ENPP3: variants seen among roughly 807,000 people sequenced by gnomAD.
ENPP3 encodes ectonucleotide pyrophosphatase/phosphodiesterase family member 3.
Under a neutral mutation model 117.8 loss-of-function variants are expected in ENPP3, and 104 were observed. The ratio of observed to expected loss-of-function variants is 0.88; its 90% CI spans 0.75 to 1.04. The LOEUF (loss-of-function observed/expected upper bound fraction) is 1.04, where lower values mean the gene tolerates loss of function less well. ENPP3 is among the 50% of genes least tolerant of loss of function. The pLI is 0.00. For missense variants in ENPP3, 1,026 were observed against 1,051.9 expected (o/e 0.98, Z 0.34); for synonymous variants, 380 against 349.9 (o/e 1.09, Z -0.96).
chr6:131,663,370 A>G (rs1198159275), intron 6 of ENPP3, among the ~76,000 whole-genome samples: 2 of 151,924 alleles, frequency 1.3e-5, no homozygotes, highest in Non-Finnish European at 2.9e-5. Context: ...TGGCGGTCCC[A>G]TACATTATAA....
intron 24 of ENPP3, among the ~76,000 whole-genome samples, chr6:131,745,681 TATAAAC>T (rs1390379826): frequency 6.6e-6 from 1 of 152,100 alleles, no homozygotes; most frequent in East Asian, 1.9e-4. Context: ...CATAATAAAA[TATAAAC>T]AGACATAAAA....
At chr6:131,730,635 G>A (rs1054317660) in intron 20 of ENPP3, among the ~76,000 whole-genome samples, 3 of 152,180 alleles carry the variant, frequency 2.0e-5, no homozygotes, top group Admixed American at 6.5e-5. Flanking sequence ...AGTAAGACAG[G>A]TCAAGCGCAG....
intron 17 of ENPP3, 83 bp from the exon 18 acceptor site, chr6:131,722,144 G>T: frequency 1.1e-6 from 1 of 897,420 alleles, no homozygotes; most frequent in Non-Finnish European, 1.8e-6. Context: ...GAAAGAGTAG[G>T]TGTTTGTTTC....
chr6:131,726,747 G>A (rs143171662), intron 20 of ENPP3, among the ~76,000 whole-genome samples: 24 of 152,252 alleles, frequency 1.6e-4, no homozygotes, highest in African/African-American at 5.8e-4. Flanking sequence ...CCAGGCTGAG[G>A]TTGAGGTCCA....
chr6:131,663,582 T>C (rs1778551320), intron 6 of ENPP3, among the ~76,000 whole-genome samples: 1 of 148,508 alleles, frequency 6.7e-6, no homozygotes, highest in African/African-American at 2.5e-5. Context: ...TAGTCCCAGC[T>C]ACTCAAGAGA....
intron 6 of ENPP3, among the ~76,000 whole-genome samples, chr6:131,661,357 A>G (rs1480643762): frequency 1.3e-5 from 2 of 152,024 alleles, no homozygotes; most frequent in Non-Finnish European, 2.9e-5. Context: ...AAGAGTTCCA[A>G]TTTCTGCATA....
intron 15 of ENPP3, among the ~76,000 whole-genome samples, chr6:131,716,129 G>A (rs1179065747): frequency 1.3e-5 from 2 of 152,178 alleles, no homozygotes; most frequent in African/African-American, 4.8e-5. Context: ...TTTCAACTGT[G>A]TTAATTAGAC....
At chr6:131,648,157 G>A (rs1343626291) in intron 2 of ENPP3, among the ~76,000 whole-genome samples, 2 of 151,506 alleles carry the variant, frequency 1.3e-5, no homozygotes, top group African/African-American at 4.8e-5. Context: ...TTTTTACAGT[G>A]TACTTTGAAA....
chr6:131,674,758 G>A (rs1163119230), intron 8 of ENPP3, among the ~76,000 whole-genome samples: 1 of 151,812 alleles, frequency 6.6e-6, no homozygotes, highest in Non-Finnish European at 1.5e-5. Context: ...TTTTAGTAGA[G>A]ATGGGGTTTC....
intron 6 of ENPP3, among the ~76,000 whole-genome samples, chr6:131,666,243 T>C (rs1778614252): frequency 6.6e-6 from 1 of 152,182 alleles, no homozygotes; most frequent in South Asian, 2.1e-4. Context: ...ATAGGGCTTC[T>C]CTTGTATATT....
intron 19 of ENPP3, among the ~76,000 whole-genome samples, chr6:131,724,551 C>CA (rs1405057934): frequency 1.3e-5 from 2 of 152,178 alleles, no homozygotes; most frequent in African/African-American, 4.8e-5. Flanking sequence ...TGGCCTGTAG[C>CA]AATATTATTA....
chr6:131,692,199 T>C (rs1779296067), intron 14 of ENPP3, among the ~76,000 whole-genome samples: 1 of 152,138 alleles, frequency 6.6e-6, no homozygotes, highest in South Asian at 2.1e-4. Flanking sequence ...TTCCTTTGTT[T>C]ATGGTTTTTC....
intron 15 of ENPP3, among the ~76,000 whole-genome samples, chr6:131,718,342 T>A (rs536365658): frequency 6.5e-4 from 99 of 152,256 alleles, no homozygotes; most frequent in South Asian, 1.9e-3. Context: ...CATTTTTTTT[T>A]AAAATATGTA....
At chr6:131,654,853 T>C (rs1483894571) in intron 5 of ENPP3, among the ~76,000 whole-genome samples, 1 of 152,188 alleles carries the variant, frequency 6.6e-6, no homozygotes, top group East Asian at 1.9e-4. Context: ...AGCTGCTCTC[T>C]TTGCACCTTG....
chr6:131,659,375 C>T (rs372458708), intron 6 of ENPP3, among the ~76,000 whole-genome samples: 4 of 152,094 alleles, frequency 2.6e-5, no homozygotes, highest in East Asian at 3.9e-4. Flanking sequence ...GAGCTAACTC[C>T]AAGGCGCACA....
intron 23 of ENPP3, among the ~76,000 whole-genome samples, chr6:131,739,189 C>T (rs564282463): frequency 6.6e-6 from 1 of 152,310 alleles, no homozygotes; most frequent in Admixed American, 6.5e-5. Flanking sequence ...ACCCAGACAG[C>T]CTGGCTCTGA....
intron 15 of ENPP3, among the ~76,000 whole-genome samples, chr6:131,702,545 G>T (rs1779562095): frequency 1.3e-5 from 2 of 151,162 alleles, no homozygotes; most frequent in Non-Finnish European, 2.9e-5. Context: ...TTGGATTTGG[G>T]CTTACTATTG....
intron 14 of ENPP3, among the ~76,000 whole-genome samples, chr6:131,691,363 C>A (rs892447610): frequency 2.6e-5 from 4 of 151,842 alleles, no homozygotes; most frequent in African/African-American, 4.8e-5. Flanking sequence ...CCGAGGCGGG[C>A]GGATCACTTG....
At chr6:131,729,867 T>C (rs1274860772) in intron 20 of ENPP3, among the ~76,000 whole-genome samples, 1 of 145,464 alleles carries the variant, frequency 6.9e-6, no homozygotes, top group East Asian at 2.0e-4. Flanking sequence ...AAAATGTGAC[T>C]TTTTTTTTTT....
Sources: gnomAD v4.1 joint callset for allele counts (sites outside exome capture counted in the v4.1 genomes callset) on GRCh38, gnomAD v4.1.1 for gene constraint, MANE v1.5 for transcripts, NCBI Gene and HGNC (gene_info 2026-07-23, HGNC 2026-07-21) for gene names.